The following SLC24A2 variants were observed in gnomAD, a reference collection of about 807,000 sequenced individuals.
SLC24A2 encodes the protein sodium/potassium/calcium exchanger 2.
SLC24A2 carries 36 observed loss-of-function variants against 62.0 expected under a neutral mutation model. The observed-to-expected ratio is 0.58, with a 90% CI of 0.44 to 0.77. The LOEUF is 0.77. Among genes scored for constraint, SLC24A2 ranks in the 30% least tolerant of loss-of-function variants. SLC24A2 has a pLI of 0.00. For missense variants in SLC24A2, 846 were observed against 817.9 expected (o/e 1.03, Z -0.42); for synonymous variants, 358 against 294.0 (o/e 1.22, Z -2.23).
chr9:20,015,610 T>G, the SLC24A2 span, among the ~76,000 whole-genome samples: 9 of 152,324 alleles, frequency 5.9e-5, no homozygotes, highest in African/African-American at 2.2e-4. Context: ...AGTTCTAACT[T>G]AGCTAGGTTG....
At chr9:20,228,391 G>T in the SLC24A2 span, among the ~76,000 whole-genome samples, 1 of 151,954 alleles carries the variant, frequency 6.6e-6, no homozygotes, top group Non-Finnish European at 1.5e-5. Context: ...GCTCCCAGTT[G>T]CACTCACATA....
At chr9:20,177,428 G>T in the SLC24A2 span, among the ~76,000 whole-genome samples, 7 of 152,124 alleles carry the variant, frequency 4.6e-5, no homozygotes, top group Admixed American at 2.6e-4. Flanking sequence ...TGTTGCAGCA[G>T]AAAAATACCT....
the SLC24A2 span, among the ~76,000 whole-genome samples, chr9:19,876,239 A>G: frequency 6.6e-6 from 1 of 152,206 alleles, no homozygotes; most frequent in Admixed American, 6.5e-5. Context: ...AGGTAATAAT[A>G]AGACATCATT....
chr9:19,920,299 T>C, the SLC24A2 span, among the ~76,000 whole-genome samples: 1 of 152,204 alleles, frequency 6.6e-6, no homozygotes, highest in African/African-American at 2.4e-5. Context: ...TTTTGGTCAA[T>C]GCAGTATGGC....
the SLC24A2 span, among the ~76,000 whole-genome samples, chr9:20,250,153 T>C: frequency 1.6e-3 from 248 of 152,326 alleles, 1 homozygote; most frequent in Non-Finnish European, 3.0e-3. Flanking sequence ...ATAGCAGCTC[T>C]GTAATGTAGA....
At chr9:20,043,605 G>A in the SLC24A2 span, among the ~76,000 whole-genome samples, 1 of 152,326 alleles carries the variant, frequency 6.6e-6, no homozygotes, top group South Asian at 2.1e-4. Flanking sequence ...AGAGGTTTAA[G>A]ACTTCAGTGA....
chr9:19,953,949 T>C, the SLC24A2 span, among the ~76,000 whole-genome samples: 1 of 151,964 alleles, frequency 6.6e-6, no homozygotes, highest in African/African-American at 2.4e-5. Flanking sequence ...CTATTGATAT[T>C]GAATATCTCT....
At chr9:20,268,838 C>T in the SLC24A2 span, among the ~76,000 whole-genome samples, 1 of 152,048 alleles carries the variant, frequency 6.6e-6, no homozygotes, top group African/African-American at 2.4e-5. Context: ...AGTCTCTGGC[C>T]CAAAATAAAT....
the SLC24A2 span, among the ~76,000 whole-genome samples, chr9:20,141,858 G>C: frequency 6.6e-6 from 1 of 152,204 alleles, no homozygotes; most frequent in East Asian, 1.9e-4. Flanking sequence ...CAAGGCAGGT[G>C]AATCACTTGA....
the SLC24A2 span, among the ~76,000 whole-genome samples, chr9:20,288,447 G>A: frequency 2.0e-5 from 3 of 152,048 alleles, no homozygotes; most frequent in African/African-American, 7.2e-5. Flanking sequence ...GGAGAGGAGG[G>A]AATGGGTAAC....
chr9:19,903,017 A>G, the SLC24A2 span, among the ~76,000 whole-genome samples: 2 of 151,160 alleles, frequency 1.3e-5, no homozygotes, highest in African/African-American at 4.9e-5. Flanking sequence ...ATCAAAGTCT[A>G]TAATAAGTCT....
chr9:19,563,276 C>A (rs1586966469), intron 7 of SLC24A2, among the ~76,000 whole-genome samples: 1 of 152,114 alleles, frequency 6.6e-6, no homozygotes, highest in Non-Finnish European at 1.5e-5. Context: ...GGTGGCAGAA[C>A]CTCTTATTAT....
At chr9:19,590,191 AT>A (rs1836508881) in intron 5 of SLC24A2, among the ~76,000 whole-genome samples, 3 of 152,030 alleles carry the variant, frequency 2.0e-5, no homozygotes, top group Admixed American at 2.0e-4. Context: ...ACATTTTCAA[AT>A]TGTTTCCTAA....
At chr9:19,662,147 T>C (rs1033535960) in intron 2 of SLC24A2, among the ~76,000 whole-genome samples, 4 of 152,320 alleles carry the variant, frequency 2.6e-5, no homozygotes. Context: ...AACCACATTA[T>C]AAAAGTAACA....
At chr9:19,605,728 A>C (rs767435343) in intron 4 of SLC24A2, among the ~76,000 whole-genome samples, 3 of 152,244 alleles carry the variant, frequency 2.0e-5, no homozygotes, top group South Asian at 2.1e-4. Flanking sequence ...CCTACAGAGA[A>C]CTAATGATGT....
At chr9:19,776,194 G>C (rs1379506847) in intron 2 of SLC24A2, among the ~76,000 whole-genome samples, 1 of 152,162 alleles carries the variant, frequency 6.6e-6, no homozygotes, top group African/African-American at 2.4e-5. Flanking sequence ...TGTGAAAAGT[G>C]AATCTAATTT....
chr9:19,581,105 C>A (rs186266686), intron 5 of SLC24A2, among the ~76,000 whole-genome samples: 2 of 152,284 alleles, frequency 1.3e-5, no homozygotes, highest in Non-Finnish European at 1.5e-5. Flanking sequence ...GCCATCCTCT[C>A]TTCTCTCAAT....
chr9:19,652,412 G>A (rs1050717462), intron 2 of SLC24A2, among the ~76,000 whole-genome samples: 2 of 152,110 alleles, frequency 1.3e-5, no homozygotes, highest in African/African-American at 4.8e-5. Context: ...TATCTGGTGG[G>A]GCCCAATGTA....
the SLC24A2 span, among the ~76,000 whole-genome samples, chr9:19,873,746 C>T: frequency 6.6e-6 from 1 of 152,056 alleles, no homozygotes; most frequent in Non-Finnish European, 1.5e-5. Flanking sequence ...AATTTGGAGC[C>T]TACCCATAGT....
Sources: allele counts gnomAD v4.1 joint callset (sites outside exome capture counted in the v4.1 genomes callset), GRCh38; gene constraint gnomAD v4.1.1; transcripts MANE v1.5; gene names NCBI Gene and HGNC (gene_info 2026-07-23, HGNC 2026-07-21).